PDE10A: variants seen among roughly 807,000 people sequenced by gnomAD.
The protein encoded by PDE10A is phosphodiesterase 10A.
Under a neutral mutation model 97.7 loss-of-function variants are expected in PDE10A, and 39 were observed. The observed-to-expected ratio is 0.40, with a 90% confidence interval of 0.31 to 0.52. The LOEUF is 0.52. Among genes scored for constraint, PDE10A ranks in the 20% least tolerant of loss-of-function variants. PDE10A has a pLI of 0.56. For missense variants in PDE10A, 731 were observed against 1,047.8 expected, an observed-to-expected ratio of 0.70 and a Z score of 4.17; for synonymous variants, 371 against 376.8, an observed-to-expected ratio of 0.98 and a Z score of 0.18.
At chr6:165,950,595 G>A (rs550285467) in intron 1 of PDE10A, among the ~76,000 whole-genome samples, 1 of 152,284 alleles carries the variant, frequency 6.6e-6, no homozygotes, top group East Asian at 1.9e-4. Context: ...GCGTTCACAG[G>A]AGACTCCCAA....
At chr6:165,815,699 G>A (rs1418926269) in intron 1 of PDE10A, among the ~76,000 whole-genome samples, 2 of 152,264 alleles carry the variant, frequency 1.3e-5, no homozygotes, top group Middle Eastern at 3.4e-3. Context: ...GCTTCATAGA[G>A]GGAAGTCCTA....
intron 1 of PDE10A, chr6:165,775,546 G>GT (rs1778156673): frequency 6.6e-6 from 1 of 152,130 alleles, no homozygotes; most frequent in Non-Finnish European, 1.5e-5. Context: ...ACTGCCTGTC[G>GT]TACCCATCCA....
chr6:165,505,491 A>T (rs1376536350), intron 2 of PDE10A, among the ~76,000 whole-genome samples: 1 of 152,212 alleles, frequency 6.6e-6, no homozygotes, highest in Non-Finnish European at 1.5e-5. Flanking sequence ...ATGAGAGCCA[A>T]AATATTACTA....
At chr6:165,732,500 C>T (rs1792463903) in intron 1 of PDE10A, among the ~76,000 whole-genome samples, 2 of 152,186 alleles carry the variant, frequency 1.3e-5, no homozygotes, top group Admixed American at 6.5e-5. Flanking sequence ...GTGGGCGACT[C>T]CACTGGAGAG....
chr6:165,642,502 T>C (rs1352809442), intron 1 of PDE10A, among the ~76,000 whole-genome samples: 1 of 152,210 alleles, frequency 6.6e-6, no homozygotes, highest in Non-Finnish European at 1.5e-5. Flanking sequence ...AGAGGGGTAG[T>C]GCTCTGCAAA....
chr6:165,724,561 A>G (rs1792246472), intron 1 of PDE10A, among the ~76,000 whole-genome samples: 1 of 152,198 alleles, frequency 6.6e-6, no homozygotes, highest in Non-Finnish European at 1.5e-5. Flanking sequence ...TCGTCCTGTC[A>G]CTTAGACTTT....
chr6:165,337,093 T>G (rs1781699171), intron 20 of PDE10A, among the ~76,000 whole-genome samples: 2 of 152,124 alleles, frequency 1.3e-5, no homozygotes, highest in South Asian at 4.1e-4. Context: ...CTCTTCCCAT[T>G]TACTGTTTTT....
intron 1 of PDE10A, among the ~76,000 whole-genome samples, chr6:165,922,372 C>T (rs1243916514): frequency 2.0e-5 from 3 of 152,138 alleles, no homozygotes; most frequent in Admixed American, 1.3e-4. Context: ...CTGCTGTCCG[C>T]TCCTCTTACA....
rs781419069 is a variant in PDE10A at position 165,413,534 on chromosome 6, G to A, written c.2043C>T (p.Ala681=). The A allele has an allele frequency of 4.6e-5, 74 of 1,613,840 alleles. No homozygotes were observed. The African/African-American group carries it at 6.1e-4, about 13-fold the overall frequency. The change falls in exon 13 of 22, where the codon GCC becomes GCT. Residue 681 remains alanine (A), a synonymous_variant. Coordinates refer to ENST00000539869, the MANE Select transcript of PDE10A (RefSeq NM_001385079.1). The part of the protein sequence containing the change: ...KTDENNFKMF[A]VFCALALHCA... Reference sequence around the variant, plus strand: ...AGTGTAAGGCTAAAGCACAAAAGACGGCAAACATTTTGAAGTTGTTTTCAT... The same window carrying A: ...AGTGTAAGGCTAAAGCACAAAAGACAGCAAACATTTTGAAGTTGTTTTCAT...
rs182219765 is a variant in PDE10A at position 165,711,637 on chromosome 6, T to C, written c.-614-168069A>G. ...CTTGGTAGGGTCAATGAGATGAAGG[T>C]AAGAGAAGAAACGAAGATGAAAAGT... On this transcript the variant is annotated intron_variant, in intron 1 of 19. Coordinates refer to the PDE10A transcript ENST00000366882. The surrounding 1 kb of genome is among the most constrained non-coding windows in gnomAD (Gnocchi z 4.5). Among the ~76,000 whole-genome samples the C allele has an allele frequency of 5.9e-5, 9 of 152,144 alleles. No individual in the cohort carries two copies. The East Asian group carries it at 1.7e-3, about 30-fold the overall frequency.
chr6:165,377,800 G>T (rs1308788168), intron 18 of PDE10A, among the ~76,000 whole-genome samples: 2 of 152,112 alleles, frequency 1.3e-5, no homozygotes, highest in Non-Finnish European at 2.9e-5. Context: ...CAACCTGTTG[G>T]AGACATAAAG....
intron 1 of PDE10A, among the ~76,000 whole-genome samples, chr6:165,631,348 G>A (rs1788619908): frequency 6.6e-6 from 1 of 152,160 alleles, no homozygotes; most frequent in African/African-American, 2.4e-5. Flanking sequence ...ATTGTTACAT[G>A]CGTATAAAAT....
Position 165,392,790 on chromosome 6 carries a change from C to T in PDE10A, c.2310G>A (p.Glu770=). The T allele has an allele frequency of 6.2e-7, 1 of 1,613,860 alleles. No individual in the cohort carries two copies. ...VHRSCGTSCF[E]LEKLCRFIMS... ...TAATAAAACGACACAACTTTTCAAG[C>T]TCAAAGCTGCATGGAAAAGAAATTG... Residue 770 remains glutamate (E), a synonymous_variant, in exon 16 of 22, where the codon GAG becomes GAA. Coordinates refer to ENST00000539869, the MANE Select transcript of PDE10A (RefSeq NM_001385079.1).
At chr6:165,600,212 C>T (rs1024492679) in intron 1 of PDE10A, among the ~76,000 whole-genome samples, 4 of 152,198 alleles carry the variant, frequency 2.6e-5, no homozygotes, top group African/African-American at 7.2e-5. Context: ...AAGACGCACT[C>T]GTTTTTCAGG....
intron 3 of PDE10A, among the ~76,000 whole-genome samples, chr6:165,473,606 C>T (rs1400456467): frequency 2.9e-5 from 4 of 137,856 alleles, no homozygotes; most frequent in East Asian, 4.1e-4. Flanking sequence ...GGCAAGGTTA[C>T]AGCTGACAAT....
intron 1 of PDE10A, among the ~76,000 whole-genome samples, chr6:165,784,711 A>T (rs1778448871): frequency 6.6e-6 from 1 of 152,220 alleles, no homozygotes; most frequent in African/African-American, 2.4e-5. Context: ...GTATTGGGAC[A>T]GCCAGAGACA....
intron 1 of PDE10A, among the ~76,000 whole-genome samples, chr6:165,864,899 A>G (rs998456851): frequency 1.3e-5 from 2 of 152,266 alleles, no homozygotes; most frequent in Non-Finnish European, 2.9e-5. Context: ...CTATGTGTAC[A>G]GCATGGTCCA....
chr6:165,584,017 A>G (rs796893790), intron 1 of PDE10A, among the ~76,000 whole-genome samples: 1 of 152,184 alleles, frequency 6.6e-6, no homozygotes, highest in Non-Finnish European at 1.5e-5. Flanking sequence ...CAGGCCTCTG[A>G]ATCAATAGGC....
chr6:165,946,090 A>C (rs1234061109), intron 1 of PDE10A, among the ~76,000 whole-genome samples: 1 of 152,178 alleles, frequency 6.6e-6, no homozygotes, highest in Non-Finnish European at 1.5e-5. Context: ...CATTGCCTAG[A>C]CCAATGTCAT....
Sources: allele counts gnomAD v4.1 joint callset (sites outside exome capture counted in the v4.1 genomes callset), GRCh38; gene constraint gnomAD v4.1.1; non-coding constraint Gnocchi (gnomAD v3.1); transcripts MANE v1.5; gene names NCBI Gene and HGNC (gene_info 2026-07-23, HGNC 2026-07-21).